Variants in DOCK9 observed in about 807,000 individuals in gnomAD.
DOCK9 encodes dedicator of cytokinesis 9, also known as dedicator of cytokinesis protein 9.
A neutral mutation model predicts 263.3 loss-of-function variants in DOCK9; 89 were observed. The observed-to-expected ratio is 0.34, with a 90% confidence interval of 0.28 to 0.40. The LOEUF is 0.40. Among genes scored for constraint, DOCK9 ranks in the 10% least tolerant of loss-of-function variants. The pLI, the probability that DOCK9 is intolerant of heterozygous loss-of-function variation, is 1.00. For missense variants in DOCK9, 2,140 were observed against 2,603.4 expected, an observed-to-expected ratio of 0.82 and a Z score of 3.87; for synonymous variants, 976 against 973.1, an observed-to-expected ratio of 1.00 and a Z score of -0.06.
At chr13:98,888,097 T>C (rs1427805682) in intron 18 of DOCK9, 61 bp downstream of exon 18, 2 of 1,168,494 alleles carry the variant, frequency 1.7e-6, no homozygotes, top group East Asian at 2.5e-5. Flanking sequence ...ATCATGAAAG[T>C]GCATTTTGAA....
At chr13:98,889,102 G>C (rs114477457) in intron 15 of DOCK9, among the ~76,000 whole-genome samples, 70 of 152,316 alleles carry the variant, frequency 4.6e-4, no homozygotes, top group African/African-American at 1.7e-3. Flanking sequence ...CAGCAAAACA[G>C]TTACAGCTCA....
intron 1 of DOCK9, among the ~76,000 whole-genome samples, chr13:99,069,935 C>G (rs1325988645): frequency 6.6e-6 from 1 of 152,202 alleles, no homozygotes; most frequent in East Asian, 1.9e-4. Flanking sequence ...TTTCTCTGGT[C>G]TTTAATTCCT....
At position 98,968,387 on chromosome 13, in the gene DOCK9, G is replaced by A. The variant is rs544477707; in HGVS notation, c.126+9397C>T. ...TGTAATCCCAGCACTTTGGGAAGCT[G>A]AGGCAGGGGTATCACTTGAGGCCAA... On this transcript the variant is annotated intron_variant, in intron 1 of 52. Coordinates refer to ENST00000682017, the MANE Select transcript of DOCK9 (RefSeq NM_001366683.2). Among the ~76,000 whole-genome samples, 5 of 152,196 alleles carry A rather than the reference G, an allele frequency of 3.3e-5. No homozygotes were observed. The East Asian group carries it at 9.7e-4, about 29-fold the overall frequency.
chr13:98,812,263 C>A (rs1283268968), intron 45 of DOCK9, among the ~76,000 whole-genome samples: 195 of 148,586 alleles, frequency 1.3e-3, no homozygotes, highest in Non-Finnish European at 2.3e-3. Context: ...TGCTGCCAAG[C>A]ACCTTAGAAA....
intron 1 of DOCK9, among the ~76,000 whole-genome samples, chr13:99,022,903 T>C (rs1886290537): frequency 6.6e-6 from 1 of 152,188 alleles, no homozygotes; most frequent in Non-Finnish European, 1.5e-5. Flanking sequence ...GAGCTATGAC[T>C]GTGGCACTGC....
At chr13:98,879,644 G>A (rs1436180162) in intron 27 of DOCK9, among the ~76,000 whole-genome samples, 1 of 152,222 alleles carries the variant, frequency 6.6e-6, no homozygotes, top group East Asian at 1.9e-4. Context: ...AAACCTGGCT[G>A]CTCCACTCAC....
intron 1 of DOCK9, among the ~76,000 whole-genome samples, chr13:99,054,497 T>A (rs1443351142): frequency 6.6e-6 from 1 of 152,132 alleles, no homozygotes; most frequent in Non-Finnish European, 1.5e-5. Context: ...GCCACACAAG[T>A]CCACATAAAG....
chr13:98,999,224 G>A (rs566875914), intron 1 of DOCK9, among the ~76,000 whole-genome samples: 1 of 152,092 alleles, frequency 6.6e-6, no homozygotes, highest in South Asian at 2.1e-4. Context: ...TTCAGAGGGT[G>A]AGTGTGTGAC....
intron 1 of DOCK9, among the ~76,000 whole-genome samples, chr13:98,989,250 T>C (rs1375900053): frequency 6.6e-6 from 1 of 151,826 alleles, no homozygotes; most frequent in Non-Finnish European, 1.5e-5. Context: ...CCAAGACCCC[T>C]GTCTTGTAAG....
intron 2 of DOCK9, among the ~76,000 whole-genome samples, chr13:98,947,429 C>T (rs1370457555): frequency 6.6e-6 from 1 of 150,610 alleles, no homozygotes; most frequent in Admixed American, 6.6e-5. Context: ...AAATCAATCA[C>T]TATTTCCTGT....
At chr13:98,931,754 C>A (rs1450605242) in intron 2 of DOCK9, among the ~76,000 whole-genome samples, 1 of 152,030 alleles carries the variant, frequency 6.6e-6, no homozygotes, top group Non-Finnish European at 1.5e-5. Flanking sequence ...GGCGCCACCA[C>A]ACCCGCCTAA....
intron 39 of DOCK9, among the ~76,000 whole-genome samples, chr13:98,835,660 C>A (rs2092963633): frequency 6.6e-6 from 1 of 151,744 alleles, no homozygotes; most frequent in Non-Finnish European, 1.5e-5. Flanking sequence ...ACTCCTACTA[C>A]CTTCCCATTC....
At chr13:98,968,143 G>T (rs1281375406) in intron 1 of DOCK9, among the ~76,000 whole-genome samples, 2 of 152,188 alleles carry the variant, frequency 1.3e-5, no homozygotes, top group African/African-American at 4.8e-5. Context: ...TCTAAATTCA[G>T]ATGTGCTGTA....
chr13:98,880,011 C>T, intron 26 of DOCK9, 42 bp from the exon 27 acceptor site: 2 of 1,475,338 alleles, frequency 1.4e-6, no homozygotes, highest in South Asian at 1.2e-5. Flanking sequence ...ACACAACAAA[C>T]TGGTAGGTAA....
intron 41 of DOCK9, among the ~76,000 whole-genome samples, chr13:98,830,856 T>C (rs1289273994): frequency 2.0e-5 from 3 of 152,168 alleles, no homozygotes; most frequent in South Asian, 4.1e-4. Flanking sequence ...AATACAGAGA[T>C]GGAAAAGGGA....
chr13:98,852,072 G>T (rs1351066115), intron 35 of DOCK9, among the ~76,000 whole-genome samples: 1 of 152,008 alleles, frequency 6.6e-6, no homozygotes, highest in East Asian at 1.9e-4. Context: ...AAGCAGTTAT[G>T]TTCTTATTAT....
chr13:98,852,982 T>TC (rs992798423), intron 35 of DOCK9, among the ~76,000 whole-genome samples: 9 of 152,140 alleles, frequency 5.9e-5, no homozygotes, highest in Admixed American at 2.0e-4. Flanking sequence ...AATGCTTAGG[T>TC]CCCCCCACAA....
At chr13:98,795,615 C>G (rs2089278683) in intron 52 of DOCK9, among the ~76,000 whole-genome samples, 1 of 152,160 alleles carries the variant, frequency 6.6e-6, no homozygotes, top group African/African-American at 2.4e-5. Flanking sequence ...ATGTCGGCAC[C>G]CACTGACCAA....
rs1299249388 is a variant in DOCK9 at position 99,013,730 on chromosome 13, G to GAC, written c.130-58181_130-58180dup. 2.6e-5 allele frequency among the ~76,000 whole-genome samples: 4 copies of GAC among 152,248 alleles called. No homozygotes were observed. In the East Asian group the frequency reaches 7.7e-4, roughly 29 times the overall value. ...GTGAGGAATGAGCAGCAGAGAAACA[G>GAC]ACACACAGGTGAAGAGAAGGAGGAA... On this transcript the variant is annotated intron_variant, in intron 1 of 32. Transcript: ENST00000427887.
Sources: gnomAD v4.1 joint callset for allele counts (sites outside exome capture counted in the v4.1 genomes callset) on GRCh38, gnomAD v4.1.1 for gene constraint, MANE v1.5 for transcripts, NCBI Gene and HGNC (gene_info 2026-07-23, HGNC 2026-07-21) for gene names.